Variants in TYR observed in about 807,000 individuals in gnomAD.
TYR encodes tyrosinase, also known as LB24-AB.
A neutral mutation model predicts 51.5 loss-of-function variants in TYR; 58 were observed. That is an observed-to-expected ratio of 1.13 (90% CI 0.91 to 1.40). TYR has a LOEUF of 1.40. Ranked by LOEUF, TYR falls within the 40% of genes most tolerant of loss-of-function variation. TYR has a pLI of 0.00. For missense variants in TYR, 732 were observed against 647.4 expected, an observed-to-expected ratio of 1.13 and a Z score of -1.42; for synonymous variants, 263 against 235.2, an observed-to-expected ratio of 1.12 and a Z score of -1.08.
intron 3 of TYR, among the ~76,000 whole-genome samples, chr11:89,261,560 A>T (rs531280983): frequency 1.3e-5 from 2 of 152,280 alleles, no homozygotes; most frequent in Admixed American, 1.3e-4. Flanking sequence ...CACACAATAC[A>T]TGAAGCAAAA....
chr11:89,181,892 G>T (rs576978301), intron 1 of TYR, among the ~76,000 whole-genome samples: 6 of 152,138 alleles, frequency 3.9e-5, no homozygotes, highest in African/African-American at 1.4e-4. Flanking sequence ...GCTAATTTCT[G>T]GGTGTATAAT....
chr11:89,180,582 A>T (rs1357402104), intron 1 of TYR, among the ~76,000 whole-genome samples: 1 of 152,134 alleles, frequency 6.6e-6, no homozygotes, highest in African/African-American at 2.4e-5. Context: ...CAAGTCAGTA[A>T]GCCCTGAACT....
chr11:89,180,564 A>T (rs972334135), intron 1 of TYR, among the ~76,000 whole-genome samples: 7 of 152,150 alleles, frequency 4.6e-5, no homozygotes, highest in Non-Finnish European at 1.0e-4. Context: ...AAAAAAAAAA[A>T]AGTGTGTCAA....
chr11:89,237,792 A>G (rs1944137690), intron 3 of TYR, among the ~76,000 whole-genome samples: 1 of 151,988 alleles, frequency 6.6e-6, no homozygotes, highest in African/African-American at 2.4e-5. Flanking sequence ...CAACATTTTA[A>G]TAATATTCTT....
intron 3 of TYR, among the ~76,000 whole-genome samples, chr11:89,241,615 C>T (rs1304610262): frequency 6.6e-6 from 1 of 151,514 alleles, no homozygotes; most frequent in Admixed American, 6.6e-5. Flanking sequence ...TAGCAGTTAA[C>T]AAAAACCTCA....
chr11:89,218,810 C>G (rs1317767903), intron 2 of TYR, among the ~76,000 whole-genome samples: 1 of 152,114 alleles, frequency 6.6e-6, no homozygotes. Flanking sequence ...ACAGAGCTAA[C>G]AGGTAGAAAA....
At chr11:89,265,410 A>C (rs537031919) in intron 3 of TYR, among the ~76,000 whole-genome samples, 1 of 152,194 alleles carries the variant, frequency 6.6e-6, no homozygotes, top group South Asian at 2.1e-4. Flanking sequence ...CTGTGGAGTG[A>C]AATATGTCTT....
intron 3 of TYR, among the ~76,000 whole-genome samples, chr11:89,254,938 T>C (rs1325644049): frequency 6.6e-6 from 1 of 151,818 alleles, no homozygotes; most frequent in Non-Finnish European, 1.5e-5. Context: ...TTCAGACTTT[T>C]TGATGTTAAA....
At chr11:89,286,471 G>T (rs1435658251) in intron 4 of TYR, among the ~76,000 whole-genome samples, 1 of 151,758 alleles carries the variant, frequency 6.6e-6, no homozygotes, top group East Asian at 1.9e-4. Flanking sequence ...ACTCTATGAA[G>T]TAGGTATCAT....
At chr11:89,244,781 T>TAACA (rs1944242533) in intron 3 of TYR, among the ~76,000 whole-genome samples, 1 of 152,234 alleles carries the variant, frequency 6.6e-6, no homozygotes, top group African/African-American at 2.4e-5. Context: ...TTAATTCAAC[T>TAACA]AACATTAAGT....
intron 3 of TYR, among the ~76,000 whole-genome samples, chr11:89,242,551 G>A (rs1456439459): frequency 1.3e-5 from 2 of 152,068 alleles, no homozygotes; most frequent in Non-Finnish European, 2.9e-5. Flanking sequence ...TAGTGTGGAA[G>A]GACTTTGGTG....
chr11:89,227,744 T>C, intron 2 of TYR, 79 bp from the exon 3 acceptor site: 1 of 1,268,076 alleles, frequency 7.9e-7, no homozygotes, highest in Non-Finnish European at 1.1e-6. Context: ...AAGTTATAGT[T>C]ATAAATCAAA....
At chr11:89,219,888 C>T (rs550292169) in intron 2 of TYR, among the ~76,000 whole-genome samples, 1 of 152,146 alleles carries the variant, frequency 6.6e-6, no homozygotes, top group East Asian at 1.9e-4. Context: ...AGCTGGGTTG[C>T]AGCTTTTTAT....
At chr11:89,197,386 T>C (rs1334662966) in intron 2 of TYR, among the ~76,000 whole-genome samples, 1 of 152,172 alleles carries the variant, frequency 6.6e-6, no homozygotes, top group Non-Finnish European at 1.5e-5. Context: ...TTCTTTCAAA[T>C]CTTCACTTTT....
At chr11:89,220,451 TG>T (rs1943894552) in intron 2 of TYR, among the ~76,000 whole-genome samples, 1 of 152,100 alleles carries the variant, frequency 6.6e-6, no homozygotes, top group Admixed American at 6.5e-5. Flanking sequence ...CCTCCAAAAG[TG>T]GGGATTACAT....
At chr11:89,249,272 G>A (rs1031942634) in intron 3 of TYR, among the ~76,000 whole-genome samples, 1 of 151,774 alleles carries the variant, frequency 6.6e-6, no homozygotes, top group African/African-American at 2.4e-5. Flanking sequence ...TAATTATTTA[G>A]CATTATTTAA....
chr11:89,271,613 G>T (rs995773349), intron 3 of TYR, among the ~76,000 whole-genome samples: 1 of 151,798 alleles, frequency 6.6e-6, no homozygotes, highest in African/African-American at 2.4e-5. Flanking sequence ...AGTTTGGAGT[G>T]GATGCAACAA....
rs192438571 is a variant in TYR at position 89,200,084 on chromosome 11, A to C, written c.1036+8666A>C. ...TTTATGCATTTATTAAACAAATACG[A>C]GTTAAAAGACTTCAGGAGTTTTGGT... On this transcript the variant is annotated intron_variant, in intron 2 of 4. Coordinates refer to ENST00000263321, the MANE Select transcript of TYR (RefSeq NM_000372.5). Among the ~76,000 whole-genome samples the C allele has an allele frequency of 1.9e-4, 29 of 152,304 alleles. No homozygotes were observed. The South Asian group carries it at 2.3e-3, about 12-fold the overall frequency.
At chr11:89,267,852 C>T (rs1208558573) in intron 3 of TYR, among the ~76,000 whole-genome samples, 2 of 151,838 alleles carry the variant, frequency 1.3e-5, no homozygotes, top group Non-Finnish European at 2.9e-5. Context: ...ATTGGAAGCA[C>T]TTGGTGTCCT....
Sources: allele counts gnomAD v4.1 joint callset (sites outside exome capture counted in the v4.1 genomes callset), GRCh38; gene constraint gnomAD v4.1.1; transcripts MANE v1.5; gene names NCBI Gene and HGNC (gene_info 2026-07-23, HGNC 2026-07-21).